The following PIK3CG variants were observed in gnomAD, a reference collection of about 807,000 sequenced individuals.
PIK3CG encodes the protein phosphatidylinositol-4,5-bisphosphate 3-kinase catalytic subunit gamma.
A neutral mutation model predicts 102.3 loss-of-function variants in PIK3CG; 55 were observed. The ratio of observed to expected loss-of-function variants is 0.54; its 90% CI spans 0.43 to 0.67. The LOEUF is 0.67. Among genes scored for constraint, PIK3CG ranks in the 30% least tolerant of loss-of-function variants. The pLI, the probability that PIK3CG is intolerant of heterozygous loss-of-function variation, is 0.00. For missense variants in PIK3CG, 1,258 were observed against 1,391.8 expected (o/e 0.90, Z 1.53); for synonymous variants, 552 against 540.0 (o/e 1.02, Z -0.31).
At chr7:106,886,439 C>G in intron 10 of PIK3CG, 147 bp downstream of exon 10, 1 of 644,598 alleles carries the variant, frequency 1.6e-6, no homozygotes, top group Non-Finnish European at 2.6e-6. Context: ...CCTACCTCCT[C>G]CCTTTCACTT....
At chr7:106,882,968 C>T (rs2116542632) in intron 7 of PIK3CG, 65 bp from the exon 8 acceptor site, 1 of 1,388,898 alleles carries the variant, frequency 7.2e-7, no homozygotes, top group Non-Finnish European at 1.0e-6. Context: ...AAAGACATAG[C>T]CTTTCCTCCT....
rs941788352 is a variant in PIK3CG, at chr7:106,908,910, T to C, written c.*3523T>C. Among the ~76,000 whole-genome samples, 10 of 152,214 alleles carry C rather than the reference T, an allele frequency of 6.6e-5. No individual in the cohort carries two copies. The highest frequency in any genetic ancestry group is 2.4e-4 in the African/African-American group (10 of 41,450). On this transcript the variant is annotated 3_prime_UTR_variant, in exon 11 of 11. Coordinates refer to ENST00000496166, the MANE Select transcript of PIK3CG (RefSeq NM_001282426.2). This position sits in a 1 kb window ranked among gnomAD's most constrained non-coding sequence, Gnocchi z 4.1. Reference sequence around the variant, plus strand: ...TAAACTTGTATTTTTAAGTGTTCTGTTGGCTTATTTTCTGTTTCATCCAAC... The same window carrying C: ...TAAACTTGTATTTTTAAGTGTTCTGCTGGCTTATTTTCTGTTTCATCCAAC...
At chr7:106,871,876 G>A (rs1453637349) in intron 2 of PIK3CG, among the ~76,000 whole-genome samples, 1 of 152,132 alleles carries the variant, frequency 6.6e-6, no homozygotes, top group East Asian at 1.9e-4. Flanking sequence ...TAAAAATGAA[G>A]ATCAAATTAT....
chr7:106,881,530 A>AT (rs1790934115), intron 6 of PIK3CG, among the ~76,000 whole-genome samples: 1 of 152,116 alleles, frequency 6.6e-6, no homozygotes. Context: ...GAGGTGATGA[A>AT]CCACAGCTAA....
rs914482927 is a variant in PIK3CG, at chr7:106,869,585, G to A, written c.1995+29G>A. On this transcript the variant is annotated intron_variant, in intron 2 of 10. Transcript: ENST00000496166. The surrounding 1 kb of genome is among the most constrained non-coding windows in gnomAD (Gnocchi z 5.3). ...GGGGATGTTGGTGTTATCAATGGAA[G>A]CCTTCTCAAAAGGAATTGATTTGCA... 1.3e-6 allele frequency: 2 copies of A among 1,529,976 alleles called. No homozygotes were observed. The highest frequency in any genetic ancestry group is 1.8e-6 in the Non-Finnish European group (2 of 1,131,628). 94.8% of individuals were successfully genotyped at this position (1,529,976 alleles called of 1,614,324 possible). A position where few individuals can be genotyped will look rare whatever the true frequency, so the allele number is the denominator to read the frequency against.
intron 10 of PIK3CG, among the ~76,000 whole-genome samples, chr7:106,900,617 T>A (rs531205445): frequency 6.6e-6 from 1 of 152,338 alleles, no homozygotes; most frequent in East Asian, 1.9e-4. Flanking sequence ...AGCCGGTTAC[T>A]ATGTTAGCTT....
chr7:106,873,237 CTT>C (rs1433834113), intron 4 of PIK3CG, among the ~76,000 whole-genome samples: 1 of 152,158 alleles, frequency 6.6e-6, no homozygotes, highest in Non-Finnish European at 1.5e-5. Flanking sequence ...ATTTCCAAAT[CTT>C]TACCTTTTTC....
rs1790996571 is a variant in PIK3CG, at chr7:106,883,271, A to G, written c.2760+108A>G. ...ATCTGCCAGTGTCTTGCCTCCTGAC[A>G]TATTAGTGAAGTTTTTTACTTGTGA... is the stretch of plus-strand genomic sequence containing the variant. On this transcript the variant is annotated intron_variant, in intron 8 of 10. Coordinates refer to ENST00000496166, the MANE Select transcript of PIK3CG (RefSeq NM_001282426.2). This position sits in a 1 kb window ranked among gnomAD's most constrained non-coding sequence, Gnocchi z 5.8. The G allele has an allele frequency of 8.6e-7, 1 of 1,160,542 alleles. No homozygotes were observed. The highest frequency in any genetic ancestry group is 1.2e-6 in the Non-Finnish European group (1 of 801,188). The allele number at this position is 1,160,542 out of a possible 1,614,324, so 71.9% of individuals were successfully genotyped here.
At chr7:106,882,997 C>T (rs375068543) in intron 7 of PIK3CG, 36 bp from the exon 8 acceptor site, 1 of 1,609,924 alleles carries the variant, frequency 6.2e-7, no homozygotes, top group African/African-American at 1.3e-5. Flanking sequence ...GGTACTGGCC[C>T]CCAATCTCCA....
chr7:106,893,954 A>G lies in PIK3CG; in HGVS notation c.3030+7662A>G, dbSNP rs554640772. On this transcript the variant is annotated intron_variant, in intron 10 of 10. Transcript: ENST00000496166. This position sits in a 1 kb window ranked among gnomAD's most constrained non-coding sequence, Gnocchi z 4.4. ...AGGCAGTTGTGACACAATGTTATGC[A>G]CTTGTGTATCTAAACACATCTGAAC... Among the ~76,000 whole-genome samples, 3 of 152,332 alleles carry G rather than the reference A, an allele frequency of 2.0e-5. No homozygotes were observed. In the South Asian group the frequency reaches 6.2e-4, roughly 32 times the overall value.
rs753563480 is a variant in PIK3CG at position 106,868,113 on chromosome 7, C to T, written c.552C>T (p.Arg184=). The T allele has an allele frequency of 1.9e-6, 3 of 1,613,140 alleles. No homozygotes were observed. The highest frequency in any genetic ancestry group is 2.5e-6 in the Non-Finnish European group (3 of 1,179,586). ...CGCGCCGTGGCTTGGTGACCCCGCGCATGGCGGAGGTGGCCAGCCGCGACC... is the reference window on the plus strand; with the variant it reads ...CGCGCCGTGGCTTGGTGACCCCGCGTATGGCGGAGGTGGCCAGCCGCGACC... ...EFTRRGLVTP[R]MAEVASRDPK... is the part of the protein sequence containing the mutation. The change falls in exon 2 of 11, where the codon CGC becomes CGT. Residue 184 remains arginine, a synonymous_variant. Transcript: ENST00000496166. The surrounding 1 kb of genome is among the most constrained non-coding windows in gnomAD (Gnocchi z 6.2).
At chr7:106,904,690 C>T (rs1426388135) in intron 10 of PIK3CG, among the ~76,000 whole-genome samples, 1 of 152,168 alleles carries the variant, frequency 6.6e-6, no homozygotes, top group Admixed American at 6.5e-5. Flanking sequence ...AACACATTTC[C>T]ATCAGTGCTT....
intron 10 of PIK3CG, among the ~76,000 whole-genome samples, chr7:106,901,636 G>C (rs1448728228): frequency 6.6e-6 from 1 of 152,156 alleles, no homozygotes; most frequent in Non-Finnish European, 1.5e-5. Flanking sequence ...ATGACAATTT[G>C]GCCATTTGAG....
chr7:106,873,272 TAC>T (rs1790604373), intron 4 of PIK3CG, among the ~76,000 whole-genome samples: 1 of 152,214 alleles, frequency 6.6e-6, no homozygotes, highest in Non-Finnish European at 1.5e-5. Context: ...AATATGCACA[TAC>T]AGTTTTCAAG....
At chr7:106,888,775 C>A (rs1252734040) in intron 10 of PIK3CG, among the ~76,000 whole-genome samples, 1 of 152,158 alleles carries the variant, frequency 6.6e-6, no homozygotes, top group African/African-American at 2.4e-5. Flanking sequence ...TACAGCATAA[C>A]AAGGTGGTTG....
intron 10 of PIK3CG, among the ~76,000 whole-genome samples, chr7:106,904,506 T>C (rs2116615162): frequency 6.6e-6 from 1 of 152,332 alleles, no homozygotes; most frequent in South Asian, 2.1e-4. Context: ...CAAAGCTTTT[T>C]GGGGGACCAT....
At position 106,899,394 on chromosome 7, in the gene PIK3CG, A is replaced by T. The variant is rs1326357052; in HGVS notation, c.3031-5715A>T. ...GATTGCTCTGGCCAGGACTTCCAATACTATGTTGAATAGAAGTGGTGAGAG... is the reference window on the plus strand; with the variant it reads ...GATTGCTCTGGCCAGGACTTCCAATTCTATGTTGAATAGAAGTGGTGAGAG... On this transcript the variant is annotated intron_variant, in intron 10 of 10. Coordinates refer to ENST00000496166, the MANE Select transcript of PIK3CG (RefSeq NM_001282426.2). This position sits in a 1 kb window ranked among gnomAD's most constrained non-coding sequence, Gnocchi z 4.6. Among the ~76,000 whole-genome samples, 1 of 152,164 alleles carries T rather than the reference A, an allele frequency of 6.6e-6. No individual in the cohort carries two copies. The highest frequency in any genetic ancestry group is 2.4e-5 in the African/African-American group (1 of 41,426).
In PIK3CG at chr7:106,892,245, T is replaced by C. The variant is rs1791284907; in HGVS notation, c.3030+5953T>C. 6.6e-6 allele frequency among the ~76,000 whole-genome samples: 1 copy of C among 152,054 alleles called. No individual in the cohort carries two copies. Among genetic ancestry groups the C allele is most frequent in the South Asian group, 2.1e-4 (1 of 4,818 alleles). On this transcript the variant is annotated intron_variant, in intron 10 of 10. Transcript: ENST00000496166. This position sits in a 1 kb window ranked among gnomAD's most constrained non-coding sequence, Gnocchi z 5.2. ...TCACTATTCTCTACCTCCCCTTCCT[T>C]TGTGTGATAACCCTCATCCTTGTCT...
At position 106,879,727 on chromosome 7, in the gene PIK3CG, A is replaced by G. The variant is rs1790877902; in HGVS notation, c.2538+62A>G. On this transcript the variant is annotated intron_variant, in intron 6 of 10. Transcript: ENST00000496166. This position sits in a 1 kb window ranked among gnomAD's most constrained non-coding sequence, Gnocchi z 4.9. The stretch of plus-strand genomic sequence containing the variant: ...AACAATTCTATATTACATCAAAAAC[A>G]TGCTTTCTCCTACTGGCTCTATTCC... 7.9e-7 allele frequency: 1 copy of G among 1,268,088 alleles called. No homozygotes were observed. Among genetic ancestry groups the G allele is most frequent in the Non-Finnish European group, 1.1e-6 (1 of 880,592 alleles). 78.6% of individuals were successfully genotyped at this position (1,268,088 alleles called of 1,614,324 possible).
Sources: allele counts gnomAD v4.1 joint callset (sites outside exome capture counted in the v4.1 genomes callset), GRCh38; gene constraint gnomAD v4.1.1; non-coding constraint Gnocchi (gnomAD v3.1); transcripts MANE v1.5; gene names NCBI Gene and HGNC (gene_info 2026-07-23, HGNC 2026-07-21).